DDR2: variants seen among roughly 807,000 people sequenced by gnomAD.
The protein encoded by DDR2 is discoidin domain receptor tyrosine kinase 2, also known as discoidin domain-containing receptor 2.
In DDR2, 27 loss-of-function variants were observed where a neutral mutation model predicts 94.9. The ratio of observed to expected loss-of-function variants is 0.28; its 90% CI spans 0.21 to 0.39. The LOEUF (loss-of-function observed/expected upper bound fraction) is 0.39, where lower values mean the gene tolerates loss of function less well. Ranked by LOEUF, DDR2 falls within the 10% of genes least tolerant of loss-of-function variation. The pLI is 1.00. For missense variants in DDR2, 783 were observed against 1,076.0 expected, an observed-to-expected ratio of 0.73 and a Z score of 3.81; for synonymous variants, 382 against 377.2, an observed-to-expected ratio of 1.01 and a Z score of -0.15.
At chr1:162,754,952 G>A in intron 5 of DDR2, 97 bp downstream of exon 5, 1 of 1,463,130 alleles carries the variant, frequency 6.8e-7, no homozygotes, top group Non-Finnish European at 9.5e-7. Flanking sequence ...GGATATGTGT[G>A]TCCACAGACC....
At chr1:162,715,865 T>C (rs1398047625) in intron 2 of DDR2, among the ~76,000 whole-genome samples, 1 of 152,212 alleles carries the variant, frequency 6.6e-6, no homozygotes, top group Non-Finnish European at 1.5e-5. Flanking sequence ...GACAGTCATC[T>C]AATTTTAGGC....
At chr1:162,731,923 T>C (rs1662071475) in intron 3 of DDR2, among the ~76,000 whole-genome samples, 1 of 152,218 alleles carries the variant, frequency 6.6e-6, no homozygotes, top group Admixed American at 6.5e-5. Flanking sequence ...TCTTCACTCC[T>C]GATCTGCATA....
At chr1:162,645,923 A>T (rs73016523) in intron 1 of DDR2, among the ~76,000 whole-genome samples, 138 of 152,324 alleles carry the variant, frequency 9.1e-4, no homozygotes, top group African/African-American at 2.8e-3. Flanking sequence ...TTATGCCTCA[A>T]GTTTCTGCTT....
chr1:162,742,237 A>C (rs1220459555), intron 3 of DDR2, among the ~76,000 whole-genome samples: 1 of 152,254 alleles, frequency 6.6e-6, no homozygotes, highest in Non-Finnish European at 1.5e-5. Context: ...CTTGGAAATC[A>C]TAGTGGATGG....
chr1:162,645,272 G>A (rs1657352263), intron 1 of DDR2, among the ~76,000 whole-genome samples: 1 of 152,168 alleles, frequency 6.6e-6, no homozygotes, highest in South Asian at 2.1e-4. Context: ...ACATGGACAT[G>A]TTTTATAGGG....
chr1:162,739,455 C>T (rs927773361), intron 3 of DDR2, among the ~76,000 whole-genome samples: 11 of 152,148 alleles, frequency 7.2e-5, no homozygotes, highest in African/African-American at 2.7e-4. Flanking sequence ...TACATGGGCA[C>T]ACCACCATGC....
intron 13 of DDR2, among the ~76,000 whole-genome samples, chr1:162,773,122 A>C (rs1426557182): frequency 1.3e-5 from 2 of 152,240 alleles, no homozygotes; most frequent in African/African-American, 4.8e-5. Flanking sequence ...TACGTTTTAC[A>C]TGATCCAGTG....
At chr1:162,676,349 A>C (rs923072294) in intron 2 of DDR2, among the ~76,000 whole-genome samples, 1 of 152,172 alleles carries the variant, frequency 6.6e-6, no homozygotes, top group Non-Finnish European at 1.5e-5. Flanking sequence ...CCTTATGCCC[A>C]CACAGCACTT....
chr1:162,637,457 GT>G (rs1416675459), intron 1 of DDR2, among the ~76,000 whole-genome samples: 3 of 151,978 alleles, frequency 2.0e-5, no homozygotes, highest in African/African-American at 7.2e-5. Context: ...AAAATGCAGA[GT>G]TCTCATGAAT....
At chr1:162,637,037 C>A (rs1166563215) in intron 1 of DDR2, among the ~76,000 whole-genome samples, 1 of 151,946 alleles carries the variant, frequency 6.6e-6, no homozygotes, top group Non-Finnish European at 1.5e-5. Flanking sequence ...AATATCATAG[C>A]ATCCTGGTAA....
intron 2 of DDR2, among the ~76,000 whole-genome samples, chr1:162,671,830 G>A (rs201596719): frequency 6.6e-6 from 1 of 151,936 alleles, no homozygotes. Flanking sequence ...ATCACAATTC[G>A]TTTTGTCATT....
intron 3 of DDR2, among the ~76,000 whole-genome samples, chr1:162,734,720 A>G (rs932574593): frequency 8.5e-5 from 13 of 152,172 alleles, no homozygotes; most frequent in African/African-American, 3.1e-4. Flanking sequence ...TTGTGCATTC[A>G]GGAACTGAAA....
intron 1 of DDR2, among the ~76,000 whole-genome samples, chr1:162,648,780 C>T (rs1320328160): frequency 6.6e-6 from 1 of 152,036 alleles, no homozygotes; most frequent in Non-Finnish European, 1.5e-5. Context: ...GCAAAGGCAG[C>T]GTGGAACAAG....
intron 3 of DDR2, among the ~76,000 whole-genome samples, chr1:162,720,449 C>T (rs1661370474): frequency 6.8e-6 from 1 of 148,046 alleles, no homozygotes; most frequent in African/African-American, 2.5e-5. Flanking sequence ...TTTCACTCAA[C>T]ATTTTGTTTA....
rs2102134265 is a variant in DDR2, at chr1:162,754,786, C to T, written c.348C>T (p.Pro116=). The T allele has an allele frequency of 3.7e-6, 6 of 1,614,070 alleles. No individual in the cohort carries two copies. Among genetic ancestry groups the T allele is most frequent in the Non-Finnish European group, 5.1e-6 (6 of 1,179,996 alleles). Residue 116 remains proline (P), a synonymous_variant, in exon 5 of 18, where the codon CCC becomes CCT. Coordinates refer to ENST00000367921, the MANE Select transcript of DDR2 (RefSeq NM_006182.4). Reference sequence around the variant, plus strand: ...GAGGTCATGGCATCGAGTTTGCCCCCATGTACAAGATCAATTACAGTCGGG... The same window carrying T: ...GAGGTCATGGCATCGAGTTTGCCCCTATGTACAAGATCAATTACAGTCGGG... ...HAGGHGIEFA[P]MYKINYSRDG...
chr1:162,767,991 C>G (rs1347492600), intron 11 of DDR2, among the ~76,000 whole-genome samples: 2 of 152,206 alleles, frequency 1.3e-5, no homozygotes, highest in African/African-American at 4.8e-5. Flanking sequence ...TTGTCTAACA[C>G]TTTACAGGAA....
intron 1 of DDR2, among the ~76,000 whole-genome samples, chr1:162,641,350 C>A (rs904755477): frequency 6.6e-6 from 1 of 152,106 alleles, no homozygotes; most frequent in Non-Finnish European, 1.5e-5. Context: ...TCACCCTGTC[C>A]CCATACTCTC....
chr1:162,776,406 C>CT (rs1375615402), intron 16 of DDR2, 36 bp downstream of exon 16: 1 of 1,608,070 alleles, frequency 6.2e-7, no homozygotes, highest in Non-Finnish European at 8.5e-7. Context: ...TGTCTAACAA[C>CT]TGGCTTGTGG....
rs1480020592 is a variant in DDR2, at chr1:162,782,466, T to C, written c.*2220T>C. ...CCAGGTGTTTCCAAATACATTAGCA[T>C]ATTTGATATGTGCAGGACTAGATAC... On this transcript the variant is annotated 3_prime_UTR_variant, in exon 18 of 18. Coordinates refer to ENST00000367921, the MANE Select transcript of DDR2 (RefSeq NM_006182.4). 1.3e-5 allele frequency: 2 copies of C among 152,160 alleles called. No individual in the cohort carries two copies. Among genetic ancestry groups the C allele is most frequent in the Admixed American group, 1.3e-4 (2 of 15,276 alleles). The allele number at this position is 152,160 out of a possible 1,614,324, so 9.4% of individuals were successfully genotyped here.
Sources: gnomAD v4.1 joint callset for allele counts (sites outside exome capture counted in the v4.1 genomes callset) on GRCh38, gnomAD v4.1.1 for gene constraint, MANE v1.5 for transcripts, NCBI Gene and HGNC (gene_info 2026-07-23, HGNC 2026-07-21) for gene names.